Variants in C14orf39 observed in about 807,000 individuals in gnomAD.
C14orf39 encodes protein SIX6OS1.
Under a neutral mutation model 85.6 loss-of-function variants are expected in C14orf39, and 66 were observed. The observed-to-expected ratio is 0.77, with a 90% CI of 0.63 to 0.95. C14orf39 has a LOEUF of 0.95. Ranked by LOEUF, C14orf39 falls within the 40% of genes least tolerant of loss-of-function variation. The probability of loss-of-function intolerance (pLI) is 0.00; values close to 1 mark genes in which losing one functional copy is unlikely to be tolerated. For missense variants in C14orf39, 735 were observed against 663.9 expected, an observed-to-expected ratio of 1.11 and a Z score of -1.18; for synonymous variants, 242 against 214.0, an observed-to-expected ratio of 1.13 and a Z score of -1.14.
intron 5 of C14orf39, among the ~76,000 whole-genome samples, chr14:60,476,749 T>C (rs1892397114): frequency 6.6e-6 from 1 of 152,264 alleles, no homozygotes; most frequent in East Asian, 1.9e-4. Context: ...ATATACTGTG[T>C]TTGGGGCTGG....
intron 4 of C14orf39, among the ~76,000 whole-genome samples, chr14:60,482,177 T>C (rs1425082195): frequency 6.6e-6 from 1 of 152,228 alleles, no homozygotes; most frequent in South Asian, 2.1e-4. Context: ...ATTAAGCTTT[T>C]ACAAAGTACA....
chr14:60,480,521 C>T (rs778642595), intron 4 of C14orf39, among the ~76,000 whole-genome samples: 1 of 152,162 alleles, frequency 6.6e-6, no homozygotes. Flanking sequence ...TAAACTAGTA[C>T]AGCTACTTCA....
chr14:60,456,655 T>C (rs1316165942), intron 15 of C14orf39, among the ~76,000 whole-genome samples: 1 of 152,028 alleles, frequency 6.6e-6, no homozygotes, highest in East Asian at 1.9e-4. Context: ...TTCAGCTAAA[T>C]GTTGCAGGAA....
chr14:60,459,393 C>T (rs1891421356), intron 13 of C14orf39, among the ~76,000 whole-genome samples: 1 of 151,454 alleles, frequency 6.6e-6, no homozygotes, highest in South Asian at 2.1e-4. Flanking sequence ...TAGGTATATA[C>T]CTAGGATCGG....
chr14:60,491,109 G>A lies in C14orf39; in HGVS notation c.-8-6023C>T, dbSNP rs1048855533. ...CAGACCCACGTATCTAATTGCTGAC[G>A]TGATAAGCTATCTTAGTCCATCCTG... On this transcript the variant is annotated intron_variant, in intron 2 of 5. Coordinates refer to the C14orf39 transcript ENST00000556799. This position sits in a 1 kb window ranked among gnomAD's most constrained non-coding sequence, Gnocchi z 4.5. 5.3e-5 allele frequency among the ~76,000 whole-genome samples: 8 copies of A among 152,260 alleles called. No individual in the cohort carries two copies. The highest frequency in any genetic ancestry group is 2.1e-4 in the South Asian group (1 of 4,816).
intron 1 of C14orf39, among the ~76,000 whole-genome samples, chr14:60,500,326 T>C (rs908980764): frequency 6.6e-6 from 1 of 152,164 alleles, no homozygotes; most frequent in Non-Finnish European, 1.5e-5. Flanking sequence ...CACGCCTGGC[T>C]GGGAATGACA....
intron 14 of C14orf39, among the ~76,000 whole-genome samples, chr14:60,458,358 T>G (rs1467619119): frequency 6.6e-6 from 1 of 151,942 alleles, no homozygotes; most frequent in African/African-American, 2.4e-5. Context: ...CACATATGAG[T>G]GAGAAGATGT....
At chr14:60,455,286 T>C (rs995140451) in intron 15 of C14orf39, 141 bp from the exon 16 acceptor site, 2 of 560,298 alleles carry the variant, frequency 3.6e-6, no homozygotes, top group Non-Finnish European at 6.1e-6. Flanking sequence ...GACAATCCTA[T>C]CGAGAAAGGA....
In C14orf39 at chr14:60,491,294, C is replaced by T. The variant is rs1018314647; in HGVS notation, c.-8-6208G>A. On this transcript the variant is annotated intron_variant, in intron 2 of 5. Coordinates refer to the C14orf39 transcript ENST00000556799. This position sits in a 1 kb window ranked among gnomAD's most constrained non-coding sequence, Gnocchi z 4.5. ...CAAAATGGTGTCTTGTTGCTGTCCT[C>T]CGGAGAGGACAAATGCTATGTCCCA... is the stretch of plus-strand genomic sequence containing the variant. 6.6e-6 allele frequency among the ~76,000 whole-genome samples: 1 copy of T among 152,162 alleles called. No homozygotes were observed. Among genetic ancestry groups the T allele is most frequent in the African/African-American group, 2.4e-5 (1 of 41,440 alleles).
At chr14:60,475,125 T>C (rs1892308015) in intron 5 of C14orf39, among the ~76,000 whole-genome samples, 1 of 152,318 alleles carries the variant, frequency 6.6e-6, no homozygotes, top group African/African-American at 2.4e-5. Flanking sequence ...TGGTTTAGTC[T>C]TGGGAGAGTG....
At chr14:60,461,618 G>C in intron 11 of C14orf39, 25 bp from the exon 12 acceptor site, 1 of 1,463,226 alleles carries the variant, frequency 6.8e-7, no homozygotes, top group South Asian at 1.4e-5. Flanking sequence ...TTAAGCATCT[G>C]ACTTGGCTAC....
chr14:60,445,240 T>C (rs750513358), intron 16 of C14orf39, among the ~76,000 whole-genome samples: 1 of 152,088 alleles, frequency 6.6e-6, no homozygotes, highest in Non-Finnish European at 1.5e-5. Context: ...GCAAATGGGC[T>C]AAATGCCCCA....
At chr14:60,479,393 C>T (rs10136486) in intron 4 of C14orf39, among the ~76,000 whole-genome samples, 124,968 of 152,080 alleles carry the variant, frequency 0.82, 52,945 homozygotes, top group Non-Finnish European at 0.92. Context: ...ACAGTAGACA[C>T]TGGAAACTAG....
chr14:60,478,932 ATT>A (rs34091178), intron 4 of C14orf39, among the ~76,000 whole-genome samples: 16 of 151,932 alleles, frequency 1.1e-4, no homozygotes, highest in Non-Finnish European at 2.4e-4. Flanking sequence ...CATCTTATAC[ATT>A]TTTTATTATG....
chr14:60,515,268 A>G lies in C14orf39; in HGVS notation c.-144+127T>C, dbSNP rs1028913965. 1.3e-5 allele frequency: 2 copies of G among 151,826 alleles called. No homozygotes were observed. The highest frequency in any genetic ancestry group is 2.9e-5 in the Non-Finnish European group (2 of 67,938). The allele number at this position is 151,826 out of a possible 1,614,324, so 9.4% of individuals were successfully genotyped here. A position where few individuals can be genotyped will look rare whatever the true frequency, so the allele number is the denominator to read the frequency against. On this transcript the variant is annotated intron_variant, in intron 1 of 5. Coordinates refer to the C14orf39 transcript ENST00000556799. This position sits in a 1 kb window ranked among gnomAD's most constrained non-coding sequence, Gnocchi z 6.2. Reference sequence around the variant, plus strand: ...CGCCCCAAGCCACGGTCCGCTCCCAAAGAGAAGCCCAGACTGGGCCCACAG... The same window carrying G: ...CGCCCCAAGCCACGGTCCGCTCCCAGAGAGAAGCCCAGACTGGGCCCACAG...
chr14:60,437,091 T>C, intron 17 of C14orf39, 44 bp from the exon 18 acceptor site: 1 of 1,331,294 alleles, frequency 7.5e-7, no homozygotes, highest in Non-Finnish European at 1.0e-6. Flanking sequence ...TCATATTATA[T>C]AAAATTTTTA....
intron 16 of C14orf39, among the ~76,000 whole-genome samples, chr14:60,451,818 C>T (rs1450968266): frequency 1.3e-5 from 2 of 151,546 alleles, no homozygotes; most frequent in African/African-American, 2.4e-5. Context: ...CACATGTACC[C>T]TAGAACTTAA....
chr14:60,487,316 T>C (rs931947703), upstream of C14orf39, among the ~76,000 whole-genome samples: 2 of 152,226 alleles, frequency 1.3e-5, no homozygotes, highest in Admixed American at 6.5e-5. Context: ...ACCACCATTC[T>C]ACTCTCTGCT....
At chr14:60,501,046 A>C (rs1893138517) in intron 1 of C14orf39, among the ~76,000 whole-genome samples, 2 of 151,950 alleles carry the variant, frequency 1.3e-5, no homozygotes, top group Non-Finnish European at 2.9e-5. Context: ...TGTGTGTAAT[A>C]AGAATAGACT....
Sources: allele counts gnomAD v4.1 joint callset (sites outside exome capture counted in the v4.1 genomes callset), GRCh38; gene constraint gnomAD v4.1.1; non-coding constraint Gnocchi (gnomAD v3.1); transcripts MANE v1.5; gene names NCBI Gene and HGNC (gene_info 2026-07-23, HGNC 2026-07-21).